TBC1D5: variants seen among roughly 807,000 people sequenced by gnomAD.
TBC1D5 encodes TBC1 domain family member 5.
Under a neutral mutation model 100.3 loss-of-function variants are expected in TBC1D5, and 75 were observed. The observed-to-expected ratio is 0.75, with a 90% CI of 0.62 to 0.91. The LOEUF (loss-of-function observed/expected upper bound fraction) is 0.91. Ranked by LOEUF, TBC1D5 falls within the 40% of genes least tolerant of loss-of-function variation. The pLI, the probability that TBC1D5 is intolerant of heterozygous loss-of-function variation, is 0.00. For synonymous variants in TBC1D5, 323 were observed against 325.6 expected, an observed-to-expected ratio of 0.99 and a Z score of 0.09; for missense variants, 910 against 942.4, an observed-to-expected ratio of 0.97 and a Z score of 0.45.
chr3:17,284,267 G>A (rs1191664705), intron 15 of TBC1D5, among the ~76,000 whole-genome samples: 2 of 152,040 alleles, frequency 1.3e-5, no homozygotes, highest in Admixed American at 6.6e-5. Flanking sequence ...ACAGGCCCCT[G>A]CCACCATGTC....
At chr3:17,694,497 G>GT (rs1204130521) in intron 1 of TBC1D5, among the ~76,000 whole-genome samples, 5 of 152,182 alleles carry the variant, frequency 3.3e-5, no homozygotes, top group Non-Finnish European at 7.3e-5. Context: ...AAGGGTATCA[G>GT]TGATTGAAGA....
chr3:17,409,993 A>G (rs1026857970), intron 4 of TBC1D5, among the ~76,000 whole-genome samples: 2 of 152,198 alleles, frequency 1.3e-5, no homozygotes, highest in South Asian at 2.1e-4. Flanking sequence ...CAATGTAGAC[A>G]TAACAACCTT....
At chr3:17,497,469 G>A (rs2095728260) in intron 3 of TBC1D5, among the ~76,000 whole-genome samples, 1 of 152,202 alleles carries the variant, frequency 6.6e-6, no homozygotes, top group African/African-American at 2.4e-5. Context: ...TTGGGCGGCA[G>A]CCCTCACTCT....
intron 1 of TBC1D5, chr3:17,706,202 C>T (rs1461992492): frequency 1.2e-5 from 18 of 1,551,828 alleles, no homozygotes; most frequent in Admixed American, 5.9e-5. Flanking sequence ...TCTCCGGCAT[C>T]GCGGCGAGGC....
intron 1 of TBC1D5, among the ~76,000 whole-genome samples, chr3:17,690,114 T>A (rs1051139952): frequency 2.0e-5 from 3 of 151,774 alleles, no homozygotes; most frequent in African/African-American, 7.3e-5. Context: ...TAGATTGTGA[T>A]GGCCTATACA....
At chr3:17,370,178 C>T (rs1468402199) in intron 13 of TBC1D5, among the ~76,000 whole-genome samples, 1 of 152,120 alleles carries the variant, frequency 6.6e-6, no homozygotes, top group African/African-American at 2.4e-5. Context: ...TAAATTATTG[C>T]ACCCAAGCCC....
intron 3 of TBC1D5, among the ~76,000 whole-genome samples, chr3:17,468,257 T>C (rs150016307): frequency 8.6e-4 from 131 of 152,312 alleles, no homozygotes; most frequent in African/African-American, 2.7e-3. Context: ...TTATGCCTGC[T>C]TGACCTGCAG....
intron 2 of TBC1D5, among the ~76,000 whole-genome samples, chr3:17,545,580 C>T (rs2096406769): frequency 6.6e-6 from 1 of 152,198 alleles, no homozygotes; most frequent in Non-Finnish European, 1.5e-5. Context: ...AAATGAGTAA[C>T]ATTTGCCTTC....
intron 1 of TBC1D5, among the ~76,000 whole-genome samples, chr3:17,692,634 C>A (rs1241906701): frequency 6.6e-6 from 1 of 152,054 alleles, no homozygotes; most frequent in African/African-American, 2.4e-5. Context: ...TTGTAAAATG[C>A]AATGAAAATT....
intron 18 of TBC1D5, among the ~76,000 whole-genome samples, chr3:17,205,637 G>C (rs1286248155): frequency 6.6e-6 from 1 of 152,108 alleles, no homozygotes; most frequent in African/African-American, 2.4e-5. Flanking sequence ...CTGGTCCTCT[G>C]TCATGAGCCT....
At chr3:17,394,139 A>C (rs1301719411) in intron 8 of TBC1D5, among the ~76,000 whole-genome samples, 1 of 152,110 alleles carries the variant, frequency 6.6e-6, no homozygotes, top group African/African-American at 2.4e-5. Context: ...TAATACTCCC[A>C]AGGTTGAGAA....
At chr3:17,487,404 G>A (rs909974128) in intron 3 of TBC1D5, among the ~76,000 whole-genome samples, 1 of 152,060 alleles carries the variant, frequency 6.6e-6, no homozygotes, top group Non-Finnish European at 1.5e-5. Flanking sequence ...CCAAAATTAA[G>A]GATTGGTCAT....
At chr3:17,508,577 A>C in exon 3 of TBC1D5, 9 of 1,609,648 alleles carry the variant, frequency 5.6e-6, no homozygotes, top group Non-Finnish European at 7.7e-6. Context: ...ACATTGTGGG[A>C]ACTGGACAGC....
chr3:17,338,270 A>C (rs2088256319), intron 13 of TBC1D5, among the ~76,000 whole-genome samples: 1 of 152,212 alleles, frequency 6.6e-6, no homozygotes, highest in Non-Finnish European at 1.5e-5. Flanking sequence ...ATGTAAGATG[A>C]CCCGTCTTTA....
At chr3:17,521,178 GA>G (rs911046175) in intron 2 of TBC1D5, among the ~76,000 whole-genome samples, 1 of 152,144 alleles carries the variant, frequency 6.6e-6, no homozygotes, top group Non-Finnish European at 1.5e-5. Context: ...CAGAGTATAA[GA>G]CTATTCTTAA....
At chr3:17,688,744 C>T (rs1234335720) in intron 1 of TBC1D5, among the ~76,000 whole-genome samples, 3 of 152,134 alleles carry the variant, frequency 2.0e-5, no homozygotes, top group Non-Finnish European at 2.9e-5. Context: ...AACAATGTAC[C>T]CCGACATATT....
intron 3 of TBC1D5, among the ~76,000 whole-genome samples, chr3:17,503,076 T>C (rs1444998842): frequency 6.7e-6 from 1 of 149,710 alleles, no homozygotes; most frequent in Non-Finnish European, 1.5e-5. Context: ...CTTTGTAAAA[T>C]GCAAATCTGA....
intron 1 of TBC1D5, among the ~76,000 whole-genome samples, chr3:17,634,645 A>AG (rs1341317076): frequency 6.6e-6 from 1 of 151,262 alleles, no homozygotes; most frequent in African/African-American, 2.4e-5. Flanking sequence ...AAAAAAAAAA[A>AG]GTGAATAAGA....
At chr3:17,623,361 G>T (rs2062828363) in intron 2 of TBC1D5, among the ~76,000 whole-genome samples, 1 of 152,060 alleles carries the variant, frequency 6.6e-6, no homozygotes, top group African/African-American at 2.4e-5. Flanking sequence ...ATATCCAATG[G>T]CTATGTCTTT....
Sources: allele counts gnomAD v4.1 joint callset (sites outside exome capture counted in the v4.1 genomes callset), GRCh38; gene constraint gnomAD v4.1.1; transcripts MANE v1.5; gene names NCBI Gene and HGNC (gene_info 2026-07-23, HGNC 2026-07-21).